Variants in FBXL17 observed in about 807,000 individuals in gnomAD.
FBXL17 encodes F-box and leucine rich repeat protein 17.
FBXL17 carries 22 observed loss-of-function variants against 66.2 expected under a neutral mutation model. The ratio of observed to expected loss-of-function variants is 0.33; its 90% CI spans 0.24 to 0.47. The LOEUF is 0.47. FBXL17 is among the 20% of genes least tolerant of loss of function. FBXL17 has a pLI of 1.00. For synonymous variants in FBXL17, 474 were observed against 400.5 expected (o/e 1.18, Z -2.19); for missense variants, 878 against 948.2 (o/e 0.93, Z 0.97).
chr5:108,192,618 CCT>C (rs1753512525), intron 5 of FBXL17, among the ~76,000 whole-genome samples: 2 of 152,040 alleles, frequency 1.3e-5, no homozygotes, highest in South Asian at 2.1e-4. Flanking sequence ...GTGGTGAAAC[CCT>C]GTCTCTACTA....
chr5:108,108,786 GTT>G (rs200030704), intron 6 of FBXL17, among the ~76,000 whole-genome samples: 3 of 144,398 alleles, frequency 2.1e-5, no homozygotes, highest in African/African-American at 2.6e-5. Flanking sequence ...CTTTGTTTTT[GTT>G]TTTTTTTTTT....
intron 5 of FBXL17, among the ~76,000 whole-genome samples, chr5:108,195,813 T>C (rs1210567616): frequency 6.6e-6 from 1 of 152,146 alleles, no homozygotes; most frequent in Non-Finnish European, 1.5e-5. Flanking sequence ...TTTTGACAAA[T>C]ATCTTATGGG....
At position 108,022,968 on chromosome 5, in the gene FBXL17, C is replaced by T. The variant is rs189806689; in HGVS notation, c.1746-1967G>A. On this transcript the variant is annotated intron_variant, in intron 6 of 8. Transcript: ENST00000542267. ...CAAGAGGTGTAGACAATTATGAATA[C>T]GTATTATAAAATCATTTAGCATACT... Among the ~76,000 whole-genome samples, 55 of 152,112 alleles carry T rather than the reference C, an allele frequency of 3.6e-4. 1 individual carries two copies. Among genetic ancestry groups the T allele is most frequent in the Admixed American group, 2.6e-3 (39 of 15,232 alleles).
At chr5:107,971,316 T>C (rs890467929) in intron 7 of FBXL17, among the ~76,000 whole-genome samples, 2 of 152,148 alleles carry the variant, frequency 1.3e-5, no homozygotes, top group Non-Finnish European at 2.9e-5. Flanking sequence ...TTACATGGGA[T>C]TTCAAATAGT....
At chr5:108,204,548 C>T (rs931319258) in intron 5 of FBXL17, among the ~76,000 whole-genome samples, 2 of 152,166 alleles carry the variant, frequency 1.3e-5, no homozygotes, top group Non-Finnish European at 2.9e-5. Context: ...TAAATAAACA[C>T]ACAAGAGATT....
At position 108,381,176 on chromosome 5, in the gene FBXL17, C is replaced by T; in HGVS notation, c.516G>A (p.Pro172=). 2 of 1,428,080 alleles carry T rather than the reference C, an allele frequency of 1.4e-6. No individual in the cohort carries two copies. Among genetic ancestry groups the T allele is most frequent in the Non-Finnish European group, 9.2e-7 (1 of 1,092,646 alleles). The allele number at this position is 1,428,080 out of a possible 1,614,324, so 88.5% of individuals were successfully genotyped here. The change falls in exon 1 of 9, where the codon CCG becomes CCA. Residue 172 remains proline, a synonymous_variant. Coordinates refer to ENST00000542267, the MANE Select transcript of FBXL17 (RefSeq NM_001163315.3). ...ASLGPVRFLG[P]PAAVQLFRGP... ...CCCGGAAGAGCTGCACGGCGGCGGG[C>T]GGCCCCAGGAAGCGCACCGGCCCCA...
chr5:108,124,909 C>T (rs937183709), intron 6 of FBXL17, among the ~76,000 whole-genome samples: 2 of 151,956 alleles, frequency 1.3e-5, no homozygotes, highest in African/African-American at 2.4e-5. Context: ...TTTACAACTT[C>T]ACAATTTAAC....
intron 8 of FBXL17, among the ~76,000 whole-genome samples, chr5:107,865,807 T>C (rs1485137444): frequency 1.3e-5 from 2 of 152,174 alleles, no homozygotes; most frequent in Non-Finnish European, 2.9e-5. Context: ...CTCCTGGCAA[T>C]AGTGTGACAA....
chr5:108,302,937 T>G (rs866632817), intron 4 of FBXL17, among the ~76,000 whole-genome samples: 3 of 151,788 alleles, frequency 2.0e-5, no homozygotes, highest in African/African-American at 7.2e-5. Context: ...GCAATTTACG[T>G]TCACTTCCTA....
intron 7 of FBXL17, among the ~76,000 whole-genome samples, chr5:107,928,898 G>C (rs949803632): frequency 2.6e-5 from 4 of 151,958 alleles, no homozygotes; most frequent in South Asian, 2.1e-4. Flanking sequence ...TCTGGAAAAA[G>C]AATTCTTTGC....
chr5:108,236,132 G>C (rs1755590890), intron 4 of FBXL17, among the ~76,000 whole-genome samples: 1 of 152,142 alleles, frequency 6.6e-6, no homozygotes, highest in African/African-American at 2.4e-5. Context: ...AATCACTTGA[G>C]CCCAGAGGTC....
At chr5:107,880,576 C>T (rs1481051755) in intron 8 of FBXL17, 63 of 1,025,794 alleles carry the variant, frequency 6.1e-5, no homozygotes, top group Non-Finnish European at 7.1e-5. Flanking sequence ...TTGTTGGTCC[C>T]GAATGGCCAG....
chr5:107,862,260 G>A (rs966278165), intron 8 of FBXL17, among the ~76,000 whole-genome samples: 4 of 151,586 alleles, frequency 2.6e-5, no homozygotes, highest in African/African-American at 7.3e-5. Flanking sequence ...GTGGAATGCC[G>A]GAGAGGACAC....
chr5:108,153,348 T>C (rs1033742268), intron 6 of FBXL17, among the ~76,000 whole-genome samples: 1 of 152,234 alleles, frequency 6.6e-6, no homozygotes, highest in African/African-American at 2.4e-5. Flanking sequence ...CTAGGAAGCA[T>C]TATGATACAT....
chr5:107,941,523 A>T (rs1751099166), intron 7 of FBXL17, among the ~76,000 whole-genome samples: 1 of 152,180 alleles, frequency 6.6e-6, no homozygotes, highest in African/African-American at 2.4e-5. Flanking sequence ...ACCTGGCTGC[A>T]AGCATGTATT....
chr5:108,057,527 G>A lies in FBXL17; in HGVS notation c.1746-36526C>T, dbSNP rs1747755526. Among the ~76,000 whole-genome samples the A allele has an allele frequency of 3.3e-5, 5 of 152,020 alleles. No individual in the cohort carries two copies. In the South Asian group the frequency reaches 1.0e-3, roughly 32 times the overall value. On this transcript the variant is annotated intron_variant, in intron 6 of 8. Transcript: ENST00000542267. ...CCCAAGCTCTATAAATTTTCTTTTTGGAGCCTTTCTGATGCATGGATTTGA... is the reference window on the plus strand; with the variant it reads ...CCCAAGCTCTATAAATTTTCTTTTTAGAGCCTTTCTGATGCATGGATTTGA...
At chr5:107,871,392 T>C (rs1748449040) in intron 8 of FBXL17, among the ~76,000 whole-genome samples, 1 of 152,166 alleles carries the variant, frequency 6.6e-6, no homozygotes. Flanking sequence ...TAAGTGAGAA[T>C]TGGGGCTTGC....
At chr5:108,110,972 T>C (rs191322878) in intron 6 of FBXL17, among the ~76,000 whole-genome samples, 1 of 152,314 alleles carries the variant, frequency 6.6e-6, no homozygotes, top group Admixed American at 6.5e-5. Flanking sequence ...ATAGTCCACA[T>C]TCACCAGCAT....
intron 6 of FBXL17, among the ~76,000 whole-genome samples, chr5:108,100,716 G>A (rs1749567770): frequency 6.6e-6 from 1 of 152,120 alleles, no homozygotes; most frequent in Admixed American, 6.5e-5. Flanking sequence ...CTTTCTGGCA[G>A]ACTCTGACTA....
Sources: gnomAD v4.1 joint callset for allele counts (sites outside exome capture counted in the v4.1 genomes callset) on GRCh38, gnomAD v4.1.1 for gene constraint, MANE v1.5 for transcripts, NCBI Gene and HGNC (gene_info 2026-07-23, HGNC 2026-07-21) for gene names.